Variants in FMNL2 observed in about 807,000 individuals in gnomAD.
The protein encoded by FMNL2 is formin-like protein 2.
Under a neutral mutation model 130.2 loss-of-function variants are expected in FMNL2, and 51 were observed. The ratio of observed to expected loss-of-function variants is 0.39; its 90% CI spans 0.31 to 0.49. The LOEUF (loss-of-function observed/expected upper bound fraction) is 0.49, where lower values mean the gene tolerates loss of function less well. Among genes scored for constraint, FMNL2 ranks in the 20% least tolerant of loss-of-function variants. FMNL2 has a pLI of 0.85. For missense variants in FMNL2, 977 were observed against 1,316.2 expected (o/e 0.74, Z 3.99); for synonymous variants, 465 against 467.1 (o/e 1.00, Z 0.06).
chr2:152,402,220 G>T (rs1206015030), intron 1 of FMNL2, among the ~76,000 whole-genome samples: 13 of 152,106 alleles, frequency 8.5e-5, no homozygotes, highest in Non-Finnish European at 1.3e-4. Context: ...TCTTTTAAAA[G>T]CCCATAAATG....
At chr2:152,360,504 T>G (rs1435055396) in intron 1 of FMNL2, among the ~76,000 whole-genome samples, 1 of 152,138 alleles carries the variant, frequency 6.6e-6, no homozygotes, top group African/African-American at 2.4e-5. Context: ...CTACGCTTTT[T>G]TTTGTTTGTT....
At position 152,628,549 on chromosome 2, in the gene FMNL2, C is replaced by G; in HGVS notation, c.2400+16C>G. Reference sequence around the variant, plus strand: ...GCTGACTCCTGTGAGTGGACTGACTCTGGCAGGGGAGGGGGTCCAAAGAAA... The same window carrying G: ...GCTGACTCCTGTGAGTGGACTGACTGTGGCAGGGGAGGGGGTCCAAAGAAA... On this transcript the variant is annotated intron_variant, in intron 18 of 25. Transcript: ENST00000288670. The G allele has an allele frequency of 6.2e-7, 1 of 1,602,466 alleles. No homozygotes were observed. The highest frequency in any genetic ancestry group is 8.6e-7 in the Non-Finnish European group (1 of 1,169,524).
intron 2 of FMNL2, among the ~76,000 whole-genome samples, chr2:152,538,464 G>C (rs567477812): frequency 5.2e-4 from 79 of 152,222 alleles, no homozygotes; most frequent in African/African-American, 1.7e-3. Flanking sequence ...ATTTTTAGTA[G>C]AGGTGGGGTT....
In FMNL2 at chr2:152,615,789, C is replaced by T. The variant is rs370076134; in HGVS notation, c.1212+789C>T. On this transcript the variant is annotated intron_variant, in intron 12 of 25. Coordinates refer to ENST00000288670, the MANE Select transcript of FMNL2 (RefSeq NM_052905.4). ...CCTTGATTATGAAATGAAGTGTCTC[C>T]TTTTGGAGGATTATTATTTTCTCCT... Among the ~76,000 whole-genome samples the T allele has an allele frequency of 1.3e-4, 20 of 152,234 alleles. No individual in the cohort carries two copies. In the East Asian group the frequency reaches 1.9e-3, roughly 15 times the overall value.
chr2:152,337,603 C>G (rs753546857), intron 1 of FMNL2, among the ~76,000 whole-genome samples: 2 of 151,856 alleles, frequency 1.3e-5, no homozygotes, highest in African/African-American at 2.4e-5. Context: ...AAATAATGTC[C>G]CATCATTAAC....
intron 9 of FMNL2, among the ~76,000 whole-genome samples, chr2:152,602,880 C>T (rs1580071641): frequency 6.6e-6 from 1 of 152,104 alleles, no homozygotes; most frequent in Non-Finnish European, 1.5e-5. Context: ...CTAAAGAGGC[C>T]ACCGCAAAGG....
intron 9 of FMNL2, among the ~76,000 whole-genome samples, chr2:152,585,691 C>G (rs747909195): frequency 6.6e-6 from 1 of 152,112 alleles, no homozygotes; most frequent in Non-Finnish European, 1.5e-5. Context: ...TGGACCATAG[C>G]TAGCAATCTG....
chr2:152,646,870 C>G (rs1683632820), intron 25 of FMNL2, among the ~76,000 whole-genome samples: 1 of 152,214 alleles, frequency 6.6e-6, no homozygotes, highest in Non-Finnish European at 1.5e-5. Context: ...CATAGCCTAG[C>G]CTGCTGGCTA....
chr2:152,412,450 A>T (rs1274120101), intron 1 of FMNL2, among the ~76,000 whole-genome samples: 62 of 5,948 alleles, frequency 0.01, no homozygotes, highest in Admixed American at 0.02. Flanking sequence ...TATATTTTAT[A>T]TATATATATA....
At chr2:152,636,683 T>C in intron 22 of FMNL2, 93 bp downstream of exon 22, 1 of 1,395,958 alleles carries the variant, frequency 7.2e-7, no homozygotes, top group South Asian at 1.4e-5. Context: ...AATGTTCCAT[T>C]TCCCTCTGTT....
At chr2:152,458,311 A>G (rs943570741) in intron 1 of FMNL2, among the ~76,000 whole-genome samples, 15 of 152,172 alleles carry the variant, frequency 9.9e-5, no homozygotes, top group Non-Finnish European at 2.9e-5. Flanking sequence ...CTTGGCACTC[A>G]GAGAACTCCA....
intron 23 of FMNL2, among the ~76,000 whole-genome samples, chr2:152,638,209 A>G (rs1161028784): frequency 2.0e-5 from 3 of 152,228 alleles, no homozygotes; most frequent in Admixed American, 1.3e-4. Context: ...CTTCCTTTAA[A>G]TGGGAGGCCC....
At chr2:152,591,843 G>A (rs918313805) in intron 9 of FMNL2, among the ~76,000 whole-genome samples, 2 of 151,992 alleles carry the variant, frequency 1.3e-5, no homozygotes, top group African/African-American at 4.8e-5. Flanking sequence ...GGTGGCTAAC[G>A]CCTGTAATCC....
At chr2:152,428,671 G>A (rs550281275) in intron 1 of FMNL2, among the ~76,000 whole-genome samples, 1 of 152,128 alleles carries the variant, frequency 6.6e-6, no homozygotes, top group African/African-American at 2.4e-5. Context: ...ATCTAGGGAG[G>A]TTGAGAAGTT....
intron 1 of FMNL2, among the ~76,000 whole-genome samples, chr2:152,430,694 G>T (rs1225935112): frequency 5.9e-5 from 9 of 152,132 alleles, no homozygotes. Flanking sequence ...GCAACATGGT[G>T]AAACCTCGTC....
intron 1 of FMNL2, among the ~76,000 whole-genome samples, chr2:152,439,066 G>A (rs1262030291): frequency 7.3e-6 from 1 of 137,520 alleles, no homozygotes; most frequent in Non-Finnish European, 1.5e-5. Flanking sequence ...GAAGTGGAAG[G>A]AATTCAGTTT....
intron 1 of FMNL2, among the ~76,000 whole-genome samples, chr2:152,410,049 T>C (rs1050595919): frequency 6.6e-6 from 1 of 152,200 alleles, no homozygotes; most frequent in South Asian, 2.1e-4. Context: ...GTGGCAGGAA[T>C]GAACAATACA....
chr2:152,526,840 C>T (rs577275382), intron 2 of FMNL2, among the ~76,000 whole-genome samples: 10 of 152,014 alleles, frequency 6.6e-5, no homozygotes, highest in South Asian at 2.1e-4. Context: ...TTAAAAAAAT[C>T]GGTATGCACC....
At chr2:152,540,750 G>A (rs1484536894) in intron 2 of FMNL2, among the ~76,000 whole-genome samples, 1 of 151,568 alleles carries the variant, frequency 6.6e-6, no homozygotes, top group Non-Finnish European at 1.5e-5. Flanking sequence ...TAGATGACGA[G>A]TTAGTGGGTG....
Sources: allele counts gnomAD v4.1 joint callset (sites outside exome capture counted in the v4.1 genomes callset), GRCh38; gene constraint gnomAD v4.1.1; transcripts MANE v1.5; gene names NCBI Gene and HGNC (gene_info 2026-07-23, HGNC 2026-07-21).